Variants in POC1A observed in about 807,000 individuals in gnomAD.
POC1A encodes POC1 centriolar protein A, also known as POC1 centriolar protein homolog A.
A neutral mutation model predicts 47.8 loss-of-function variants in POC1A; 34 were observed. That is an observed-to-expected ratio of 0.71 (90% CI 0.54 to 0.95). The LOEUF is 0.95. POC1A is among the 40% of genes least tolerant of loss of function. The pLI is 0.00. For missense variants in POC1A, 466 were observed against 528.3 expected, an observed-to-expected ratio of 0.88 and a Z score of 1.16; for synonymous variants, 177 against 207.6, an observed-to-expected ratio of 0.85 and a Z score of 1.27.
At position 52,075,652 on chromosome 3, in the gene POC1A, C is replaced by T. The variant is rs9857878; in HGVS notation, c.*235G>A. 0.092 allele frequency: 36,419 copies of T among 395,988 alleles called. 2,279 individuals are homozygous for T. Among genetic ancestry groups the T allele is most frequent in the African/African-American group, 0.21 (10,404 of 50,132 alleles). 24.5% of individuals were successfully genotyped at this position (395,988 alleles called of 1,614,324 possible). A position where few individuals can be genotyped will look rare whatever the true frequency, so the allele number is the denominator to read the frequency against. On this transcript the variant is annotated 3_prime_UTR_variant, in exon 11 of 11. Transcript: ENST00000296484. ...TTAAGCAAAATGTGGTCCTCTCATTCGGGTCTGAAGCATCATTTGTGTGTG... is the reference window on the plus strand; with the variant it reads ...TTAAGCAAAATGTGGTCCTCTCATTTGGGTCTGAAGCATCATTTGTGTGTG...
intron 10 of POC1A, among the ~76,000 whole-genome samples, chr3:52,092,668 C>CGT (rs1213196990): frequency 6.6e-6 from 1 of 152,176 alleles, no homozygotes; most frequent in Non-Finnish European, 1.5e-5. Flanking sequence ...AAAACAACTA[C>CGT]GTGGGGAGGC....
intron 2 of POC1A, 50 bp from the exon 3 acceptor site, chr3:52,150,037 C>T: frequency 6.5e-7 from 1 of 1,531,524 alleles, no homozygotes; most frequent in Non-Finnish European, 8.9e-7. Flanking sequence ...AGGCTTCAAG[C>T]CTCCACCAAG....
chr3:52,109,560 CCAA>C (rs915543300), intron 9 of POC1A, among the ~76,000 whole-genome samples: 11 of 152,000 alleles, frequency 7.2e-5, no homozygotes, highest in Non-Finnish European at 1.6e-4. Context: ...AAGTGGGACT[CCAA>C]GAGGAAGCTC....
At chr3:52,108,649 T>G (rs1703271270) in intron 9 of POC1A, among the ~76,000 whole-genome samples, 1 of 152,128 alleles carries the variant, frequency 6.6e-6, no homozygotes, top group Non-Finnish European at 1.5e-5. Context: ...TAACCAGGAC[T>G]GGCTCTACCC....
At chr3:52,139,553 A>C (rs1698113378) in intron 6 of POC1A, among the ~76,000 whole-genome samples, 1 of 152,106 alleles carries the variant, frequency 6.6e-6, no homozygotes, top group Non-Finnish European at 1.5e-5. Flanking sequence ...CTTCTCCAGG[A>C]AGCCTCCCCT....
chr3:52,135,701 C>T (rs1236798220), intron 7 of POC1A, among the ~76,000 whole-genome samples: 3 of 152,176 alleles, frequency 2.0e-5, no homozygotes, highest in African/African-American at 4.8e-5. Context: ...AAGGCCTTCT[C>T]CTGGGCATCC....
intron 9 of POC1A, among the ~76,000 whole-genome samples, chr3:52,114,903 A>G (rs1164960975): frequency 6.6e-6 from 1 of 152,118 alleles, no homozygotes; most frequent in Non-Finnish European, 1.5e-5. Flanking sequence ...TCTCATTCAC[A>G]CCGATAAAAA....
chr3:52,104,048 T>C (rs777368285), intron 9 of POC1A, among the ~76,000 whole-genome samples: 8 of 152,240 alleles, frequency 5.3e-5, no homozygotes, highest in Non-Finnish European at 4.4e-5. Context: ...TGAACGTTCA[T>C]GGCAGCTTTA....
intron 6 of POC1A, among the ~76,000 whole-genome samples, chr3:52,144,421 G>C (rs113973641): frequency 0.016 from 2,441 of 152,308 alleles, 48 homozygotes; most frequent in Non-Finnish European, 0.02. Context: ...CCTATGGAGG[G>C]GGGTGGGGTG....
intron 10 of POC1A, among the ~76,000 whole-genome samples, chr3:52,078,326 T>C (rs577003312): frequency 6.6e-6 from 1 of 152,094 alleles, no homozygotes; most frequent in East Asian, 1.9e-4. Flanking sequence ...GCTTTTTGGA[T>C]TTCTGTACAT....
At chr3:52,151,477 G>C (rs1698553201) in intron 1 of POC1A, among the ~76,000 whole-genome samples, 1 of 152,108 alleles carries the variant, frequency 6.6e-6, no homozygotes, top group Non-Finnish European at 1.5e-5. Flanking sequence ...CGGGCATGGT[G>C]GCAGGCGCCT....
intron 7 of POC1A, among the ~76,000 whole-genome samples, chr3:52,136,567 T>G (rs1704474387): frequency 6.6e-6 from 1 of 152,188 alleles, no homozygotes; most frequent in South Asian, 2.1e-4. Context: ...AGGTCGTTGG[T>G]TCGTTTCTCT....
intron 10 of POC1A, among the ~76,000 whole-genome samples, chr3:52,082,963 C>G (rs890679504): frequency 1.3e-5 from 2 of 152,114 alleles, no homozygotes; most frequent in African/African-American, 4.8e-5. Context: ...CACAGGGCTC[C>G]GAGATTGGAA....
At position 52,084,734 on chromosome 3, in the gene POC1A, T is replaced by C. The variant is rs560601645; in HGVS notation, c.1126-8749A>G. Among the ~76,000 whole-genome samples the C allele has an allele frequency of 6.6e-6, 1 of 152,328 alleles. No homozygotes were observed. The highest frequency in any genetic ancestry group is 2.1e-4 in the South Asian group (1 of 4,834). ...TCACCTTGGCCAGGGCCCTTCCCCA[T>C]ATCCACATCCTGCTCTTAGCAGAGC... On this transcript the variant is annotated intron_variant, in intron 10 of 10. Coordinates refer to ENST00000296484, the MANE Select transcript of POC1A (RefSeq NM_015426.5). This position sits in a 1 kb window ranked among gnomAD's most constrained non-coding sequence, Gnocchi z 4.3.
intron 4 of POC1A, 31 bp from the exon 5 acceptor site, chr3:52,147,126 A>G: frequency 6.6e-7 from 1 of 1,514,464 alleles, no homozygotes; most frequent in Non-Finnish European, 9.2e-7. Flanking sequence ...GTCACATCAC[A>G]GACTAACAGA....
Position 52,125,184 on chromosome 3 carries a change from G to A in POC1A, c.814-3C>T, listed in dbSNP as rs1703950065. ...AAGGCAACAGTGGTGGCTGGTCCCTGGCAGAACAAACAAAAAATAACACAC... is the reference window on the plus strand; with the variant it reads ...AAGGCAACAGTGGTGGCTGGTCCCTAGCAGAACAAACAAAAAATAACACAC... On this transcript the variant is annotated splice_polypyrimidine_tract_variant and splice_region_variant and intron_variant, in intron 7 of 10. Coordinates refer to ENST00000296484, the MANE Select transcript of POC1A (RefSeq NM_015426.5). The A allele has an allele frequency of 1.2e-6, 2 of 1,612,226 alleles. No homozygotes were observed. The highest frequency in any genetic ancestry group is 1.7e-6 in the Non-Finnish European group (2 of 1,178,940).
At chr3:52,111,665 A>T (rs866548313) in intron 9 of POC1A, among the ~76,000 whole-genome samples, 1,948 of 150,964 alleles carry the variant, frequency 0.013, 50 homozygotes, top group African/African-American at 0.042. Flanking sequence ...AAAAAAAAAA[A>T]AAAAAAAAAA....
intron 10 of POC1A, among the ~76,000 whole-genome samples, chr3:52,082,698 T>C (rs7618573): frequency 0.094 from 14,308 of 152,176 alleles, 1,337 homozygotes; most frequent in East Asian, 0.36. Flanking sequence ...CTGAGCATGG[T>C]ATAAAAAGAA....
At chr3:52,144,879 G>A (rs1698314690) in intron 6 of POC1A, among the ~76,000 whole-genome samples, 1 of 152,192 alleles carries the variant, frequency 6.6e-6, no homozygotes, top group Non-Finnish European at 1.5e-5. Flanking sequence ...GTGTGTCAGG[G>A]GTGGGTGGGG....
Sources: allele counts gnomAD v4.1 joint callset (sites outside exome capture counted in the v4.1 genomes callset), GRCh38; gene constraint gnomAD v4.1.1; non-coding constraint Gnocchi (gnomAD v3.1); transcripts MANE v1.5; gene names NCBI Gene and HGNC (gene_info 2026-07-23, HGNC 2026-07-21).